DMGDH: variants seen among roughly 807,000 people sequenced by gnomAD.
DMGDH encodes the protein dimethylglycine dehydrogenase.
Under a neutral mutation model 95.2 loss-of-function variants are expected in DMGDH, and 76 were observed. The ratio of observed to expected loss-of-function variants is 0.80; its 90% CI spans 0.66 to 0.97. The LOEUF (loss-of-function observed/expected upper bound fraction) is 0.97, where lower values mean the gene tolerates loss of function less well. Among genes scored for constraint, DMGDH ranks in the 50% least tolerant of loss-of-function variants. DMGDH has a pLI of 0.00. For missense variants in DMGDH, 987 were observed against 1,055.0 expected (o/e 0.94, Z 0.89); for synonymous variants, 345 against 377.6 (o/e 0.91, Z 1.00).
At chr5:79,028,125 C>A (rs777484571) in intron 12 of DMGDH, among the ~76,000 whole-genome samples, 1 of 148,236 alleles carries the variant, frequency 6.7e-6, no homozygotes, top group Non-Finnish European at 1.5e-5. Context: ...CAGGTGTGAG[C>A]CACTGCACCC....
Position 78,997,715 on chromosome 5 carries a change from T to G in DMGDH, c.*367A>C, listed in dbSNP as rs1753384815. The G allele has an allele frequency of 1.0e-5, 2 of 200,190 alleles. No individual in the cohort carries two copies. Among genetic ancestry groups the G allele is most frequent in the Admixed American group, 1.1e-4 (2 of 18,828 alleles). The allele number at this position is 200,190 out of a possible 1,614,324, so 12.4% of individuals were successfully genotyped here. ...TTATGTAAAAGATAATTTATTAATT[T>G]GTTTTCAGCTGTCAAGAACCGAATG... On this transcript the variant is annotated 3_prime_UTR_variant, in exon 16 of 16. Transcript: ENST00000255189.
At chr5:79,051,532 T>C in intron 4 of DMGDH, 41 bp from the exon 5 acceptor site, 1 of 1,527,384 alleles carries the variant, frequency 6.5e-7, no homozygotes. Context: ...AATATATATA[T>C]ACTTATTACT....
At chr5:79,015,225 C>T (rs914886708) in intron 14 of DMGDH, among the ~76,000 whole-genome samples, 1 of 152,182 alleles carries the variant, frequency 6.6e-6, no homozygotes, top group Admixed American at 6.5e-5. Context: ...CCTTCACATG[C>T]AGTCCCTCAT....
intron 15 of DMGDH, among the ~76,000 whole-genome samples, chr5:78,998,848 GA>G (rs1024703536): frequency 2.7e-4 from 40 of 150,888 alleles, no homozygotes; most frequent in African/African-American, 9.5e-4. Flanking sequence ...AGACTGTCTC[GA>G]AAAAAAAGTC....
At chr5:79,029,283 G>T (rs1445821095) in intron 11 of DMGDH, among the ~76,000 whole-genome samples, 1 of 152,134 alleles carries the variant, frequency 6.6e-6, no homozygotes, top group East Asian at 1.9e-4. Flanking sequence ...CATATAATTT[G>T]CATCACTGTA....
intron 1 of DMGDH, among the ~76,000 whole-genome samples, chr5:79,069,040 C>T (rs887686229): frequency 2.6e-5 from 4 of 152,154 alleles, no homozygotes; most frequent in African/African-American, 7.2e-5. Flanking sequence ...TTCACATGCA[C>T]GTTATTTGCA....
chr5:79,000,464 C>T, intron 15 of DMGDH: 1 of 615,988 alleles, frequency 1.6e-6, no homozygotes, highest in Non-Finnish European at 3.2e-6. Context: ...ACTACTGGAT[C>T]AAAGTCTGCC....
At chr5:79,016,543 G>A (rs554823371) in intron 14 of DMGDH, among the ~76,000 whole-genome samples, 2 of 152,252 alleles carry the variant, frequency 1.3e-5, no homozygotes, top group South Asian at 4.2e-4. Flanking sequence ...TGTAAGACCT[G>A]TATACTGAAA....
intron 14 of DMGDH, among the ~76,000 whole-genome samples, chr5:79,017,082 T>G (rs1017770218): frequency 6.6e-6 from 1 of 151,800 alleles, no homozygotes; most frequent in Admixed American, 6.6e-5. Flanking sequence ...AGTAAAATAA[T>G]AAAACTTCTA....
At chr5:79,048,982 T>A (rs1754758647) in intron 5 of DMGDH, among the ~76,000 whole-genome samples, 1 of 152,102 alleles carries the variant, frequency 6.6e-6, no homozygotes, top group South Asian at 2.1e-4. Context: ...GGAAAAGGGA[T>A]TGGAAGTGGC....
intron 15 of DMGDH, chr5:79,001,158 T>A: frequency 2.1e-6 from 1 of 467,946 alleles, no homozygotes; most frequent in East Asian, 3.4e-5. Context: ...CACCTAATCA[T>A]TGCTTTTGTT....
intron 12 of DMGDH, among the ~76,000 whole-genome samples, chr5:79,028,198 A>T (rs1356737072): frequency 1.3e-5 from 2 of 151,972 alleles, no homozygotes; most frequent in Non-Finnish European, 2.9e-5. Flanking sequence ...TGGAGCAACA[A>T]CTAGAAATCT....
chr5:79,051,231 T>A, intron 5 of DMGDH, 56 bp downstream of exon 5: 1 of 1,548,444 alleles, frequency 6.5e-7, no homozygotes, highest in Non-Finnish European at 8.9e-7. Context: ...TACGGCTAAA[T>A]ATCTTCTTTC....
Position 79,055,794 on chromosome 5 carries a change from A to G in DMGDH, c.375+16T>C, listed in dbSNP as rs750776623. ...GAAGCCGACCTAACAGACAGTTTCAAGTTAAATGCCTTTACCTGACCAGTT... is the reference window on the plus strand; with the variant it reads ...GAAGCCGACCTAACAGACAGTTTCAGGTTAAATGCCTTTACCTGACCAGTT... On this transcript the variant is annotated intron_variant, in intron 3 of 15. Transcript: ENST00000255189. 7.2e-6 allele frequency: 11 copies of G among 1,527,810 alleles called. No homozygotes were observed. The highest frequency in any genetic ancestry group is 1.0e-5 in the Non-Finnish European group (11 of 1,101,538). The allele number at this position is 1,527,810 out of a possible 1,614,324, so 94.6% of individuals were successfully genotyped here. A position where few individuals can be genotyped will look rare whatever the true frequency, so the allele number is the denominator to read the frequency against.
At chr5:79,021,433 A>T (rs1215358220) in intron 14 of DMGDH, 1 of 1,201,480 alleles carries the variant, frequency 8.3e-7, no homozygotes, top group African/African-American at 1.6e-5. Flanking sequence ...AATGAATGAT[A>T]CATGTGTATC....
At chr5:78,999,779 G>A (rs1440642617) in intron 15 of DMGDH, among the ~76,000 whole-genome samples, 1 of 152,008 alleles carries the variant, frequency 6.6e-6, no homozygotes, top group Non-Finnish European at 1.5e-5. Context: ...TATAACACAT[G>A]CTTTAAAATT....
At position 78,998,215 on chromosome 5, in the gene DMGDH, C is replaced by G. The variant is rs764599749; in HGVS notation, c.2468G>C (p.Ser823Thr). The change falls in exon 16 of 16, where the codon AGT becomes ACT. Residue 823 changes from serine (S) to threonine (T), a missense_variant. By Grantham distance (58) the Ser-to-Thr change is moderately conservative (BLOSUM62 1). Transcript: ENST00000255189. ...AACTTCCACTTGCTGTCCCACTTCA[C>G]TTAGTTGTACAGGGACATATGCGAA... ...LAFAYVPVQL[S>T]EVGQQVEVEL... is the part of the protein sequence containing the mutation. The G allele has an allele frequency of 6.2e-7, 1 of 1,614,090 alleles. No individual in the cohort carries two copies. The highest frequency in any genetic ancestry group is 1.3e-5 in the African/African-American group (1 of 74,920).
intron 7 of DMGDH, among the ~76,000 whole-genome samples, chr5:79,036,362 A>G (rs887852562): frequency 6.6e-6 from 1 of 152,130 alleles, no homozygotes; most frequent in Non-Finnish European, 1.5e-5. Flanking sequence ...CCCTAGGCCT[A>G]TATGCTTTTT....
intron 13 of DMGDH, among the ~76,000 whole-genome samples, chr5:79,026,145 C>G (rs112990635): frequency 6.6e-6 from 1 of 152,244 alleles, no homozygotes; most frequent in African/African-American, 2.4e-5. Context: ...TTACTCTAAT[C>G]CCATGAGGCA....
Sources: allele counts gnomAD v4.1 joint callset (sites outside exome capture counted in the v4.1 genomes callset), GRCh38; gene constraint gnomAD v4.1.1; transcripts MANE v1.5; gene names NCBI Gene and HGNC (gene_info 2026-07-23, HGNC 2026-07-21).